Variants in TGM6 observed in about 807,000 individuals in gnomAD.
TGM6 encodes protein-glutamine gamma-glutamyltransferase 6.
Under a neutral mutation model 77.5 loss-of-function variants are expected in TGM6, and 74 were observed. That is an observed-to-expected ratio of 0.96 (90% CI 0.79 to 1.16). The LOEUF is 1.16. TGM6 is among the 50% of genes most tolerant of loss of function. TGM6 has a pLI of 0.00. For missense variants in TGM6, 968 were observed against 940.2 expected, an observed-to-expected ratio of 1.03 and a Z score of -0.39; for synonymous variants, 383 against 378.9, an observed-to-expected ratio of 1.01 and a Z score of -0.12.
chr20:2,389,376 A>G (rs965693552), intron 1 of TGM6, among the ~76,000 whole-genome samples: 2 of 152,208 alleles, frequency 1.3e-5, no homozygotes, highest in South Asian at 2.1e-4. Flanking sequence ...CAACCCCATA[A>G]GAAACTCCAA....
chr20:2,398,498 A>C (rs2084684238), intron 5 of TGM6, among the ~76,000 whole-genome samples: 1 of 151,246 alleles, frequency 6.6e-6, no homozygotes, highest in African/African-American at 2.4e-5. Context: ...TTTCTACACA[A>C]CCTTTCCATG....
chr20:2,400,184 A>C (rs1341740170), intron 6 of TGM6, 122 bp from the exon 7 acceptor site: 1 of 1,411,650 alleles, frequency 7.1e-7, no homozygotes. Context: ...AACTAGACAC[A>C]CAGACAAAGA....
intron 10 of TGM6, among the ~76,000 whole-genome samples, chr20:2,425,280 G>A (rs1455733347): frequency 2.0e-5 from 3 of 151,878 alleles, no homozygotes; most frequent in Non-Finnish European, 2.9e-5. Flanking sequence ...CCAAGAGCTG[G>A]AAGTTTGCAG....
chr20:2,405,395 A>G (rs948750189), intron 9 of TGM6, among the ~76,000 whole-genome samples: 1 of 152,250 alleles, frequency 6.6e-6, no homozygotes, highest in African/African-American at 2.4e-5. Context: ...TAATTGAATC[A>G]TAGTCTCTAC....
At chr20:2,386,515 C>T (rs2422762) in intron 1 of TGM6, among the ~76,000 whole-genome samples, 138,537 of 152,126 alleles carry the variant, frequency 0.91, 63,269 homozygotes, top group Middle Eastern at 0.93. Flanking sequence ...TGGGGAGAAG[C>T]TGCAAGAAGA....
intron 10 of TGM6, among the ~76,000 whole-genome samples, chr20:2,422,085 T>A (rs1270832071): frequency 1.3e-5 from 2 of 152,056 alleles, no homozygotes; most frequent in Non-Finnish European, 2.9e-5. Flanking sequence ...TGAGCCAAAA[T>A]CACACCAGTG....
intron 4 of TGM6, 79 bp downstream of exon 4, chr20:2,396,703 T>C: frequency 7.6e-7 from 1 of 1,321,016 alleles, no homozygotes; most frequent in East Asian, 2.3e-5. Context: ...CTCTGTCTGC[T>C]CACTCTTCTC....
At chr20:2,387,873 G>A (rs1432983616) in intron 1 of TGM6, among the ~76,000 whole-genome samples, 2 of 152,196 alleles carry the variant, frequency 1.3e-5, no homozygotes, top group East Asian at 3.8e-4. Context: ...TCAGTCCCAT[G>A]GCTTCCAGAT....
intron 10 of TGM6, 123 bp downstream of exon 10, chr20:2,417,696 C>A: frequency 8.7e-7 from 1 of 1,151,916 alleles, no homozygotes; most frequent in Non-Finnish European, 1.2e-6. Flanking sequence ...CATTCCTGAG[C>A]ATTGTGCTCA....
intron 9 of TGM6, among the ~76,000 whole-genome samples, chr20:2,409,698 C>T (rs894423297): frequency 1.2e-4 from 18 of 146,860 alleles, no homozygotes; most frequent in Admixed American, 3.4e-4. Flanking sequence ...GATCACAAAG[C>T]GAGACTGTCT....
chr20:2,420,174 G>A (rs1001420590), intron 10 of TGM6, among the ~76,000 whole-genome samples: 3 of 152,136 alleles, frequency 2.0e-5, no homozygotes, highest in Non-Finnish European at 4.4e-5. Context: ...GAACCCAGGA[G>A]GCAGAGCTTG....
At chr20:2,386,454 A>T (rs1185863986) in intron 1 of TGM6, among the ~76,000 whole-genome samples, 1 of 152,250 alleles carries the variant, frequency 6.6e-6, no homozygotes, top group African/African-American at 2.4e-5. Context: ...ATCAAGGAGC[A>T]AAAGAAGAAG....
At chr20:2,386,394 G>A (rs1384035362) in intron 1 of TGM6, among the ~76,000 whole-genome samples, 1 of 152,140 alleles carries the variant, frequency 6.6e-6, no homozygotes, top group African/African-American at 2.4e-5. Flanking sequence ...GGCAGGGGAG[G>A]TGCCGGGGGC....
Position 2,394,285 on chromosome 20 carries a change from C to T in TGM6, c.8-167C>T, listed in dbSNP as rs562960613. Among the ~76,000 whole-genome samples, 5 of 152,122 alleles carry T rather than the reference C, an allele frequency of 3.3e-5. No homozygotes were observed. The South Asian group carries it at 8.3e-4, about 25-fold the overall frequency. Reference sequence around the variant, plus strand: ...CGCCAGCCTGGGTGATAGAGTGAGACCCTGTCTCAAAACAAACAAACAAAC... The same window carrying T: ...CGCCAGCCTGGGTGATAGAGTGAGATCCTGTCTCAAAACAAACAAACAAAC... On this transcript the variant is annotated intron_variant, in intron 1 of 12. Coordinates refer to ENST00000202625, the MANE Select transcript of TGM6 (RefSeq NM_198994.3).
chr20:2,408,679 G>T (rs532002176), intron 9 of TGM6, among the ~76,000 whole-genome samples: 1 of 152,292 alleles, frequency 6.6e-6, no homozygotes, highest in Admixed American at 6.5e-5. Context: ...TTTGTTGATT[G>T]CAGGACTGGC....
At chr20:2,381,134 C>T (rs1206318934) in intron 1 of TGM6, among the ~76,000 whole-genome samples, 159 bp downstream of exon 1, 1 of 152,130 alleles carries the variant, frequency 6.6e-6, no homozygotes, top group African/African-American at 2.4e-5. Flanking sequence ...ATTCATGAGG[C>T]CCAGGATGAA....
chr20:2,392,650 G>A (rs1238301844), intron 1 of TGM6, among the ~76,000 whole-genome samples: 1 of 152,220 alleles, frequency 6.6e-6, no homozygotes, highest in Admixed American at 6.5e-5. Flanking sequence ...CAGTGGTCAC[G>A]CCTGTAATCC....
chr20:2,407,270 C>T (rs1473985289), intron 9 of TGM6, among the ~76,000 whole-genome samples: 1 of 152,176 alleles, frequency 6.6e-6, no homozygotes, highest in Non-Finnish European at 1.5e-5. Flanking sequence ...CTAGAACTTG[C>T]TAAGCAAAAT....
chr20:2,385,548 C>T (rs2084588875), intron 1 of TGM6, among the ~76,000 whole-genome samples: 1 of 152,158 alleles, frequency 6.6e-6, no homozygotes. Context: ...GGTCAGTGGC[C>T]AGTCTGCCTG....
Sources: allele counts gnomAD v4.1 joint callset (sites outside exome capture counted in the v4.1 genomes callset), GRCh38; gene constraint gnomAD v4.1.1; transcripts MANE v1.5; gene names NCBI Gene and HGNC (gene_info 2026-07-23, HGNC 2026-07-21).